Variants in NOL4L observed in about 807,000 individuals in gnomAD.
NOL4L encodes the protein nucleolar protein 4-like.
A neutral mutation model predicts 64.5 loss-of-function variants in NOL4L; 7 were observed. The observed-to-expected ratio is 0.11, with a 90% CI of 0.06 to 0.20. The LOEUF (loss-of-function observed/expected upper bound fraction) is 0.20. Ranked by LOEUF, NOL4L falls within the 10% of genes least tolerant of loss-of-function variation. The pLI is 1.00. For missense variants in NOL4L, 680 were observed against 967.1 expected (o/e 0.70, Z 3.94); for synonymous variants, 413 against 401.0 (o/e 1.03, Z -0.36).
At chr20:32,548,343 C>T (rs990899086) in intron 1 of NOL4L, among the ~76,000 whole-genome samples, 1 of 152,208 alleles carries the variant, frequency 6.6e-6, no homozygotes, top group Admixed American at 6.5e-5. Flanking sequence ...GCCTTTTGCA[C>T]ACTTAAGTAT....
chr20:32,551,643 G>T (rs143026044), intron 1 of NOL4L, among the ~76,000 whole-genome samples: 15 of 152,132 alleles, frequency 9.9e-5, no homozygotes, highest in African/African-American at 3.6e-4. Flanking sequence ...AGTAGTGGTT[G>T]TCTCCCTACC....
intron 4 of NOL4L, among the ~76,000 whole-genome samples, chr20:32,491,450 A>ACG (rs1444535820): frequency 6.6e-6 from 1 of 152,136 alleles, no homozygotes; most frequent in East Asian, 1.9e-4. Flanking sequence ...CTCTGAACTG[A>ACG]CGCGTTTGTG....
At chr20:32,547,605 C>A (rs2018749189) in intron 1 of NOL4L, among the ~76,000 whole-genome samples, 1 of 152,150 alleles carries the variant, frequency 6.6e-6, no homozygotes, top group African/African-American at 2.4e-5. Flanking sequence ...CATTCTTAAA[C>A]ACTGTCCTAG....
intron 4 of NOL4L, among the ~76,000 whole-genome samples, chr20:32,478,235 C>T (rs1422814009): frequency 7.3e-6 from 1 of 136,788 alleles, no homozygotes; most frequent in Non-Finnish European, 1.5e-5. Flanking sequence ...GGTGATGAGG[C>T]TATATTTACA....
intron 1 of NOL4L, chr20:32,573,667 TA>T (rs202230964): frequency 0.02 from 4,296 of 215,276 alleles, 81 homozygotes; most frequent in Non-Finnish European, 0.03. Context: ...GGAAGTAACT[TA>T]CCCAAGACTG....
chr20:32,478,279 T>A (rs74651974), intron 4 of NOL4L, among the ~76,000 whole-genome samples: 60,823 of 140,032 alleles, frequency 0.43, 13,300 homozygotes, highest in East Asian at 0.93. Context: ...ACACACTCTC[T>A]CTCTCTCTCT....
intron 1 of NOL4L, among the ~76,000 whole-genome samples, chr20:32,579,218 A>AGAG (rs1273277311): frequency 3.9e-5 from 6 of 152,240 alleles, no homozygotes; most frequent in African/African-American, 7.2e-5. Flanking sequence ...ACAAACACGC[A>AGAG]GAGGAGCCTC....
chr20:32,461,204 G>A (rs2014012564), intron 5 of NOL4L, among the ~76,000 whole-genome samples: 1 of 152,150 alleles, frequency 6.6e-6, no homozygotes, highest in African/African-American at 2.4e-5. Flanking sequence ...TCCCTCCTTT[G>A]GGCCCACCAG....
At chr20:32,559,072 C>A (rs1978841052) in intron 1 of NOL4L, among the ~76,000 whole-genome samples, 1 of 152,220 alleles carries the variant, frequency 6.6e-6, no homozygotes, top group African/African-American at 2.4e-5. Flanking sequence ...TGTAGTGTGG[C>A]CGCAATGCCC....
At position 32,475,213 on chromosome 20, in the gene NOL4L, C is replaced by T. The variant is rs1235318256; in HGVS notation, c.700-471G>A. ...CCCAGCAGGCCTGGCGCCCTGACTC[C>T]CATGAAGCATGCATGGAATTCCTTT... On this transcript the variant is annotated intron_variant, in intron 4 of 10. Coordinates refer to ENST00000621426, the MANE Select transcript of NOL4L (RefSeq NM_001256798.2). The T allele has an allele frequency of 4.1e-6, 4 of 985,354 alleles. No homozygotes were observed. In the East Asian group the frequency reaches 4.5e-4, roughly 112 times the overall value. 61.0% of individuals were successfully genotyped at this position (985,354 alleles called of 1,614,324 possible).
intron 1 of NOL4L, among the ~76,000 whole-genome samples, chr20:32,562,659 C>A (rs1311326479): frequency 1.3e-5 from 2 of 152,060 alleles, no homozygotes; most frequent in South Asian, 4.1e-4. Context: ...AGTCACCAGC[C>A]AGCAGGGAGA....
At chr20:32,509,747 G>A (rs1216328922) in intron 4 of NOL4L, 7 of 1,274,130 alleles carry the variant, frequency 5.5e-6, no homozygotes, top group Non-Finnish European at 7.2e-6. Flanking sequence ...GTTAGTGAGA[G>A]ATCGCAACTT....
rs6141725 is a variant in NOL4L at position 32,456,405 on chromosome 20, G to T, written c.842-10C>A. 3 of 1,458,398 alleles carry T rather than the reference G, an allele frequency of 2.1e-6. No homozygotes were observed. The highest frequency in any genetic ancestry group is 2.7e-6 in the Non-Finnish European group (3 of 1,102,598). 90.3% of individuals were successfully genotyped at this position (1,458,398 alleles called of 1,614,324 possible). A position where few individuals can be genotyped will look rare whatever the true frequency, so the allele number is the denominator to read the frequency against. Reference sequence around the variant, plus strand: ...TCAGAGGAGGAGTCATCTGGAATGAGAGGCCTGGGTGTGAGGCCCCACCCA... The same window carrying T: ...TCAGAGGAGGAGTCATCTGGAATGATAGGCCTGGGTGTGAGGCCCCACCCA... On this transcript the variant is annotated splice_polypyrimidine_tract_variant and intron_variant, in intron 5 of 10. Transcript: ENST00000621426.
chr20:32,485,799 T>C (rs1326171725), intron 4 of NOL4L: 1 of 469,778 alleles, frequency 2.1e-6, no homozygotes, highest in Non-Finnish European at 4.4e-6. Flanking sequence ...AGGATTTCCC[T>C]TTCCCCACCA....
chr20:32,445,987 C>T lies in NOL4L; in HGVS notation c.*1609G>A, dbSNP rs2012312019. 2 of 152,292 alleles carry T rather than the reference C, an allele frequency of 1.3e-5. No individual in the cohort carries two copies. The highest frequency in any genetic ancestry group is 4.1e-4 in the South Asian group (2 of 4,828). The allele number at this position is 152,292 out of a possible 1,614,324, so 9.4% of individuals were successfully genotyped here. On this transcript the variant is annotated 3_prime_UTR_variant, in exon 11 of 11. Coordinates refer to ENST00000621426, the MANE Select transcript of NOL4L (RefSeq NM_001256798.2). ...TGGGAAGGGGTGCCTGTTCTGGGAG[C>T]GAGTGGCTCTCCGTGGCCATCCTAG...
intron 9 of NOL4L, 24 bp from the exon 10 acceptor site, chr20:32,452,461 T>G: frequency 1.3e-6 from 2 of 1,536,672 alleles, no homozygotes; most frequent in Non-Finnish European, 1.8e-6. Flanking sequence ...AGGGGGGCGC[T>G]GGGGAAACCA....
intron 4 of NOL4L, among the ~76,000 whole-genome samples, chr20:32,485,092 T>TA (rs202230489): frequency 1.8e-4 from 9 of 49,978 alleles, no homozygotes; most frequent in African/African-American, 2.3e-4. Flanking sequence ...AAAAAACAAC[T>TA]AAAAAAAAAC....
chr20:32,448,729 C>T (rs1464349455), intron 10 of NOL4L, among the ~76,000 whole-genome samples: 2 of 152,200 alleles, frequency 1.3e-5, no homozygotes, highest in African/African-American at 4.8e-5. Context: ...AGGGAGCCTG[C>T]CATCTTTCAA....
intron 1 of NOL4L, among the ~76,000 whole-genome samples, chr20:32,541,313 T>C (rs6579023): frequency 0.043 from 6,578 of 152,312 alleles, 437 homozygotes; most frequent in African/African-American, 0.15. Flanking sequence ...TGGAACTGAA[T>C]GCAGGGCACT....
Sources: gnomAD v4.1 joint callset for allele counts (sites outside exome capture counted in the v4.1 genomes callset) on GRCh38, gnomAD v4.1.1 for gene constraint, MANE v1.5 for transcripts, NCBI Gene and HGNC (gene_info 2026-07-23, HGNC 2026-07-21) for gene names.